Variants in TAF8 observed in about 807,000 individuals in gnomAD.
The protein encoded by TAF8 is TATA-box binding protein associated factor 8.
In TAF8, 47 loss-of-function variants were observed where a neutral mutation model predicts 36.5. That is an observed-to-expected ratio of 1.29 (90% CI 1.02 to 1.64). TAF8 has a LOEUF of 1.64. Among genes scored for constraint, TAF8 ranks in the 40% most tolerant of loss-of-function variants. TAF8 has a pLI of 0.00. For synonymous variants in TAF8, 175 were observed against 159.5 expected, an observed-to-expected ratio of 1.10 and a Z score of -0.73; for missense variants, 420 against 407.6, an observed-to-expected ratio of 1.03 and a Z score of -0.26.
rs1186365877 is a variant in TAF8, at chr6:42,082,445, TC to T, written c.*4901del. 1 of 152,320 alleles carries T rather than the reference TC, an allele frequency of 6.6e-6. No homozygotes were observed. Among genetic ancestry groups the T allele is most frequent in the African/African-American group, 2.4e-5 (1 of 41,456 alleles). The allele number at this position is 152,320 out of a possible 1,614,324, so 9.4% of individuals were successfully genotyped here. A position where few individuals can be genotyped will look rare whatever the true frequency, so the allele number is the denominator to read the frequency against. ...CCTCCACCTCCCGGGTTCAAGAGAT[TC>T]TCCTGCCTCAGCCTCCCAAGTAGCT... On this transcript the variant is annotated 3_prime_UTR_variant, in exon 9 of 9. Coordinates refer to ENST00000372977, the MANE Select transcript of TAF8 (RefSeq NM_138572.3).
intron 5 of TAF8, among the ~76,000 whole-genome samples, chr6:42,059,296 T>A (rs1447793992): frequency 6.6e-6 from 1 of 150,690 alleles, no homozygotes; most frequent in African/African-American, 2.5e-5. Context: ...GGCAGGAGAA[T>A]AGTGTGAACC....
intron 7 of TAF8, among the ~76,000 whole-genome samples, chr6:42,073,270 AT>A (rs1765641741): frequency 6.6e-6 from 1 of 152,246 alleles, no homozygotes; most frequent in Admixed American, 6.5e-5. Flanking sequence ...TATGAAAAAT[AT>A]ACCAGTCACT....
chr6:42,070,823 C>A (rs1277187496), intron 7 of TAF8, among the ~76,000 whole-genome samples: 3 of 152,104 alleles, frequency 2.0e-5, no homozygotes, highest in African/African-American at 7.2e-5. Context: ...GGAATGATGT[C>A]ATTTGGTAGA....
At chr6:42,084,269 T>C (rs1200889976), downstream of TAF8, among the ~76,000 whole-genome samples, 1 of 150,582 alleles carries the variant, frequency 6.6e-6, no homozygotes, top group African/African-American at 2.5e-5. Flanking sequence ...GGGTCAGAAG[T>C]GCAGAGGAGA....
Position 42,080,265 on chromosome 6 carries a change from T to G in TAF8, c.*2720T>G, listed in dbSNP as rs538599150. 18 of 985,852 alleles carry G rather than the reference T, an allele frequency of 1.8e-5. No homozygotes were observed. The South Asian group carries it at 6.1e-4, about 33-fold the overall frequency. 61.1% of individuals were successfully genotyped at this position (985,852 alleles called of 1,614,324 possible). Reference sequence around the variant, plus strand: ...GCTTCCATTTGTTGTTGTTATCCAGTGTAAGCACCTGTTGAATGCAGATGT... The same window carrying G: ...GCTTCCATTTGTTGTTGTTATCCAGGGTAAGCACCTGTTGAATGCAGATGT... On this transcript the variant is annotated 3_prime_UTR_variant, in exon 9 of 9. Transcript: ENST00000372977.
Position 42,081,763 on chromosome 6 carries a change from C to A in TAF8, c.*4218C>A, listed in dbSNP as rs1269277423. 1 of 152,132 alleles carries A rather than the reference C, an allele frequency of 6.6e-6. No individual in the cohort carries two copies. Among genetic ancestry groups the A allele is most frequent in the Non-Finnish European group, 1.5e-5 (1 of 68,042 alleles). 9.4% of individuals were successfully genotyped at this position (152,132 alleles called of 1,614,324 possible). Reference sequence around the variant, plus strand: ...CTCAGGTGATCACCTGCCTCAGCCTCCTAAAGTGCTGAGGTTACAGGCGTG... The same window carrying A: ...CTCAGGTGATCACCTGCCTCAGCCTACTAAAGTGCTGAGGTTACAGGCGTG... On this transcript the variant is annotated 3_prime_UTR_variant, in exon 9 of 9. Transcript: ENST00000372977.
At chr6:42,054,343 T>A (rs1202395700) in intron 2 of TAF8, among the ~76,000 whole-genome samples, 1 of 152,128 alleles carries the variant, frequency 6.6e-6, no homozygotes, top group African/African-American at 2.4e-5. Context: ...CATAAAAAAA[T>A]TTATCATTTT....
At chr6:42,066,588 A>T (rs1765372271) in intron 6 of TAF8, 129 bp downstream of exon 6, 1 of 1,085,556 alleles carries the variant, frequency 9.2e-7, no homozygotes, top group Non-Finnish European at 1.3e-6. Context: ...TGCCTCTCAG[A>T]TTTCTGGCTC....
downstream of TAF8, chr6:42,086,569 G>A (rs1766031104): frequency 1.3e-6 from 1 of 793,502 alleles, no homozygotes; most frequent in African/African-American, 1.7e-5. Flanking sequence ...TTCTCCTGGG[G>A]AGAAACAAAC....
At chr6:42,084,773 ATAG>A (rs1278425923), downstream of TAF8, among the ~76,000 whole-genome samples, 5 of 152,214 alleles carry the variant, frequency 3.3e-5, no homozygotes, top group South Asian at 8.3e-4. Flanking sequence ...TCATTTATTA[ATAG>A]TAGTATTATT....
rs746487321 is a variant in TAF8, at chr6:42,066,314, G to A, written c.492G>A (p.Thr164=). The A allele has an allele frequency of 2.9e-5, 47 of 1,613,616 alleles. No homozygotes were observed. The highest frequency in any genetic ancestry group is 1.3e-4 in the South Asian group (12 of 91,086). Residue 164 remains threonine, a splice_region_variant and synonymous_variant, in exon 6 of 9, where the codon ACG becomes ACA. Transcript: ENST00000372977. ...TGTCTTTGCTGCTCTCTTCGTAGAC[G>A]TACCGTGAGCCCGTGTCAGACTACC... The part of the protein sequence containing the change: ...PDPHTYIKTP[T]YREPVSDYQV...
intron 5 of TAF8, chr6:42,063,547 G>A (rs1765255415): frequency 6.6e-6 from 1 of 152,068 alleles, no homozygotes; most frequent in African/African-American, 2.4e-5. Flanking sequence ...TTTCTAGCGG[G>A]AGCAATTGCC....
At position 42,079,226 on chromosome 6, in the gene TAF8, C is replaced by T. The variant is rs986267169; in HGVS notation, c.*1681C>T. On this transcript the variant is annotated 3_prime_UTR_variant, in exon 9 of 9. Transcript: ENST00000372977. Reference sequence around the variant, plus strand: ...ATCTTGTATTCTGAAAGCTGAGAAACGGCTGGTCAGCTGGAAGGCTGGTGG... The same window carrying T: ...ATCTTGTATTCTGAAAGCTGAGAAATGGCTGGTCAGCTGGAAGGCTGGTGG... 5 of 985,364 alleles carry T rather than the reference C, an allele frequency of 5.1e-6. No individual in the cohort carries two copies. Among genetic ancestry groups the T allele is most frequent in the South Asian group, 9.4e-5 (2 of 21,282 alleles). 61.0% of individuals were successfully genotyped at this position (985,364 alleles called of 1,614,324 possible). A position where few individuals can be genotyped will look rare whatever the true frequency, so the allele number is the denominator to read the frequency against.
At chr6:42,052,762 G>A (rs142966451) in intron 2 of TAF8, among the ~76,000 whole-genome samples, 40 of 152,252 alleles carry the variant, frequency 2.6e-4, no homozygotes, top group African/African-American at 9.4e-4. Flanking sequence ...AAGTATTTAC[G>A]GTGTTTCTTA....
intron 1 of TAF8, 72 bp downstream of exon 1, chr6:42,050,658 A>G (rs1764736000): frequency 4.1e-6 from 6 of 1,473,068 alleles, no homozygotes; most frequent in Admixed American, 2.4e-5. Context: ...CGACTGAGCA[A>G]CAAGATAATG....
At chr6:42,066,550 A>G (rs2127458262) in intron 6 of TAF8, 91 bp downstream of exon 6, 2 of 1,470,674 alleles carry the variant, frequency 1.4e-6, no homozygotes, top group Non-Finnish European at 1.9e-6. Flanking sequence ...GAAACAAATA[A>G]GCTTTTGTCC....
Position 42,078,359 on chromosome 6 carries a change from C to T in TAF8, c.*814C>T, listed in dbSNP as rs866522355. 1.7e-5 allele frequency: 17 copies of T among 985,436 alleles called. No individual in the cohort carries two copies. Among genetic ancestry groups the T allele is most frequent in the Middle Eastern group, 1.0e-3 (2 of 1,914 alleles). 61.0% of individuals were successfully genotyped at this position (985,436 alleles called of 1,614,324 possible). A position where few individuals can be genotyped will look rare whatever the true frequency, so the allele number is the denominator to read the frequency against. ...ATTACAAGGAAGACTGTTTGTCCAGCGTGTATTTCAGGATATCTGGATCCC... is the reference window on the plus strand; with the variant it reads ...ATTACAAGGAAGACTGTTTGTCCAGTGTGTATTTCAGGATATCTGGATCCC... On this transcript the variant is annotated 3_prime_UTR_variant, in exon 9 of 9. Coordinates refer to ENST00000372977, the MANE Select transcript of TAF8 (RefSeq NM_138572.3).
In TAF8 at chr6:42,056,017, A is replaced by G; in HGVS notation, c.364+3A>G. 1.2e-6 allele frequency: 2 copies of G among 1,603,460 alleles called. No individual in the cohort carries two copies. Among genetic ancestry groups the G allele is most frequent in the Non-Finnish European group, 8.5e-7 (1 of 1,170,260 alleles). On this transcript the variant is annotated splice_donor_region_variant and intron_variant, in intron 4 of 8. Transcript: ENST00000372977. Reference sequence around the variant, plus strand: ...TCAGAGGATGGTCATCACTGCTCGTAAGTGACTTTGAACTGAGGTACTTAG... The same window carrying G: ...TCAGAGGATGGTCATCACTGCTCGTGAGTGACTTTGAACTGAGGTACTTAG...
intron 7 of TAF8, among the ~76,000 whole-genome samples, chr6:42,076,535 C>T (rs9471750): frequency 0.1 from 15,470 of 152,178 alleles, 1,509 homozygotes; most frequent in African/African-American, 0.25. Context: ...GCTGGCTCTG[C>T]GTCCCTTAGT....
Sources: gnomAD v4.1 joint callset for allele counts (sites outside exome capture counted in the v4.1 genomes callset) on GRCh38, gnomAD v4.1.1 for gene constraint, MANE v1.5 for transcripts, NCBI Gene and HGNC (gene_info 2026-07-23, HGNC 2026-07-21) for gene names.